EMC8: variants seen among roughly 807,000 people sequenced by gnomAD.
EMC8 encodes ER membrane protein complex subunit 8, also known as COX4 neighbor.
Under a neutral mutation model 24.3 loss-of-function variants are expected in EMC8, and 11 were observed. The ratio of observed to expected loss-of-function variants is 0.45; its 90% CI spans 0.28 to 0.75. The LOEUF (loss-of-function observed/expected upper bound fraction) is 0.75, where lower values mean the gene tolerates loss of function less well. EMC8 is among the 30% of genes least tolerant of loss of function. EMC8 has a pLI of 0.12. For synonymous variants in EMC8, 145 were observed against 117.7 expected, an observed-to-expected ratio of 1.23 and a Z score of -1.50; for missense variants, 277 against 282.7, an observed-to-expected ratio of 0.98 and a Z score of 0.14.
At chr16:85,797,877 C>T (rs1905309521) in intron 1 of EMC8, among the ~76,000 whole-genome samples, 1 of 152,154 alleles carries the variant, frequency 6.6e-6, no homozygotes, top group South Asian at 2.1e-4. Context: ...AGGTCTGAAG[C>T]TACAGTTTAC....
intron 1 of EMC8, among the ~76,000 whole-genome samples, chr16:85,791,193 ATGAT>A (rs1243892361): frequency 2.0e-5 from 3 of 152,092 alleles, no homozygotes; most frequent in African/African-American, 7.2e-5. Context: ...AGATTATCAT[ATGAT>A]TGTTTTTCTT....
At chr16:85,780,001 T>C (rs1904412592) in intron 4 of EMC8, 134 bp from the exon 5 acceptor site, 6 of 712,060 alleles carry the variant, frequency 8.4e-6, no homozygotes, top group African/African-American at 5.3e-5. Context: ...AACATGTGCA[T>C]TTCAAACGCA....
chr16:85,782,103 C>T lies in EMC8; in HGVS notation c.309-823G>A, dbSNP rs541021819. ...GAAGCCAGTGGAGAGTCGCCTGAAG[C>T]GGGCAGTGAAACTGCTGCTGGGCAC... On this transcript the variant is annotated intron_variant, in intron 2 of 4. Coordinates refer to ENST00000253457, the MANE Select transcript of EMC8 (RefSeq NM_006067.5). 6.0e-4 allele frequency among the ~76,000 whole-genome samples: 92 copies of T among 152,328 alleles called. 1 individual carries two copies. The highest frequency in any genetic ancestry group is 2.0e-3 in the African/African-American group (85 of 41,576).
At chr16:85,781,664 C>T (rs1350695686) in intron 2 of EMC8, 3 of 188,892 alleles carry the variant, frequency 1.6e-5, no homozygotes, top group Non-Finnish European at 3.2e-5. Context: ...GTTGCCCACA[C>T]TGGTCTTCAA....
chr16:85,797,104 G>C (rs188651947), intron 1 of EMC8, among the ~76,000 whole-genome samples: 1 of 152,186 alleles, frequency 6.6e-6, no homozygotes, highest in Non-Finnish European at 1.5e-5. Flanking sequence ...CTTGACAACA[G>C]AACAATTAAG....
chr16:85,797,691 A>T (rs1007661946), intron 1 of EMC8, among the ~76,000 whole-genome samples: 2 of 152,366 alleles, frequency 1.3e-5, no homozygotes, highest in African/African-American at 4.8e-5. Flanking sequence ...TAGTTAAGTT[A>T]TAAATGGTAG....
chr16:85,794,165 A>G (rs1029190786), intron 1 of EMC8, among the ~76,000 whole-genome samples: 3 of 152,218 alleles, frequency 2.0e-5, no homozygotes, highest in African/African-American at 4.8e-5. Flanking sequence ...ATAACCTCAT[A>G]AACTATGGCT....
Position 85,783,791 on chromosome 16 carries a change from C to A in EMC8, c.309-2511G>T, listed in dbSNP as rs1904623210. Among the ~76,000 whole-genome samples, 2 of 152,178 alleles carry A rather than the reference C, an allele frequency of 1.3e-5. 1 individual carries two copies. Among genetic ancestry groups the A allele is most frequent in the South Asian group, 4.1e-4 (2 of 4,834 alleles). ...CCTTACTGAATTGCTTCCCCTCTTT[C>A]AGTGCCCAGAAGACATGCCACCCTC... On this transcript the variant is annotated intron_variant, in intron 2 of 4. Transcript: ENST00000253457.
chr16:85,795,420 T>A lies in EMC8; in HGVS notation c.231+3645A>T, dbSNP rs2152076990. On this transcript the variant is annotated intron_variant, in intron 1 of 4. Transcript: ENST00000253457. ...GGTTTTCCTCCCCGTTCCTGGCTCC[T>A]CACGGCCCTGGTTAGTCTTTTGATA... 1.3e-5 allele frequency among the ~76,000 whole-genome samples: 2 copies of A among 152,344 alleles called. 1 individual carries two copies.
chr16:85,799,162 C>G lies in EMC8; in HGVS notation c.134G>C (p.Gly45Ala), dbSNP rs777977232. ...GAGGGTGTGGTGGGCGCCGGGGCCG[C>G]CCAGGGGGAGGTGCTCCTTACGCGG... ...QKPRKEHLPLGGPGAHHTLFV... is the reference protein window; with the variant it reads ...QKPRKEHLPLAGPGAHHTLFV... Residue 45 changes from glycine to alanine, a missense_variant, in exon 1 of 5, where the codon GGC (glycine) becomes GCC (alanine). Gly to Ala is a moderately conservative substitution (Grantham distance 60, BLOSUM62 0). Coordinates refer to ENST00000253457, the MANE Select transcript of EMC8 (RefSeq NM_006067.5). The surrounding 1 kb of genome is among the most constrained non-coding windows in gnomAD (Gnocchi z 4.2). 7 of 1,609,434 alleles carry G rather than the reference C, an allele frequency of 4.3e-6. No individual in the cohort carries two copies. The highest frequency in any genetic ancestry group is 1.7e-5 in the Admixed American group (1 of 59,542).
Position 85,780,378 on chromosome 16 carries a change from C to T in EMC8, c.473+1G>A. On this transcript the variant is annotated splice_donor_variant, in intron 4 of 4. Coordinates refer to ENST00000253457, the MANE Select transcript of EMC8 (RefSeq NM_006067.5). LOFTEE classifies it high-confidence loss of function. The stretch of plus-strand genomic sequence containing the variant: ...CGCGCGGCAGCATGGGGCGCACTCA[C>T]TGGTGTGGGTCTCTGCACCGCCATC... 1 of 1,613,208 alleles carries T rather than the reference C, an allele frequency of 6.2e-7. No individual in the cohort carries two copies. The highest frequency in any genetic ancestry group is 8.5e-7 in the Non-Finnish European group (1 of 1,179,158).
At chr16:85,779,998 GC>G in intron 4 of EMC8, 131 bp from the exon 5 acceptor site, 1 of 732,162 alleles carries the variant, frequency 1.4e-6, no homozygotes, top group Non-Finnish European at 2.3e-6. Context: ...AGAAACATGT[GC>G]ATTTCAAACG....
intron 1 of EMC8, among the ~76,000 whole-genome samples, chr16:85,790,199 T>C (rs1904940554): frequency 6.6e-6 from 1 of 152,116 alleles, no homozygotes; most frequent in African/African-American, 2.4e-5. Context: ...GATGTGTGTG[T>C]TTTTTAAACA....
chr16:85,796,882 T>G (rs1905260323), intron 1 of EMC8, among the ~76,000 whole-genome samples: 1 of 152,228 alleles, frequency 6.6e-6, no homozygotes, highest in South Asian at 2.1e-4. Context: ...GCTCCGCCTG[T>G]GAGGTTTAGG....
At chr16:85,795,900 G>A (rs970935303) in intron 1 of EMC8, among the ~76,000 whole-genome samples, 2 of 152,128 alleles carry the variant, frequency 1.3e-5, no homozygotes, top group African/African-American at 4.8e-5. Context: ...AACAGAATGC[G>A]GAGACACCTA....
chr16:85,797,336 A>G (rs2152077720), intron 1 of EMC8, among the ~76,000 whole-genome samples: 1 of 152,298 alleles, frequency 6.6e-6, no homozygotes, highest in East Asian at 1.9e-4. Flanking sequence ...TGAATCTGGG[A>G]GGTGGAAGTT....
At chr16:85,785,816 G>T (rs946546079) in intron 2 of EMC8, among the ~76,000 whole-genome samples, 14 of 152,094 alleles carry the variant, frequency 9.2e-5, no homozygotes, top group African/African-American at 3.4e-4. Flanking sequence ...ACCCTCAACA[G>T]CACCATGTCG....
Position 85,799,363 on chromosome 16 carries a change from G to A in EMC8, c.-68C>T. The A allele has an allele frequency of 9.8e-7, 1 of 1,024,540 alleles. No individual in the cohort carries two copies. Among genetic ancestry groups the A allele is most frequent in the Non-Finnish European group, 1.3e-6 (1 of 748,502 alleles). The allele number at this position is 1,024,540 out of a possible 1,614,324, so 63.5% of individuals were successfully genotyped here. ...AGGCCTGGACCCGCTGCCTGGCCGC[G>A]CGGCGCCTCAGCCGAGAAGCGGGAC... On this transcript the variant is annotated 5_prime_UTR_variant, in exon 1 of 5. Transcript: ENST00000253457. This position sits in a 1 kb window ranked among gnomAD's most constrained non-coding sequence, Gnocchi z 4.2.
At position 85,779,545 on chromosome 16, in the gene EMC8, A is replaced by C. The variant is rs1904389950; in HGVS notation, c.*163T>G. ...ACCTCTTCTAGAGACTCTGTGTTAAAAACACGACCGACTGAACATTCTGCC... is the reference window on the plus strand; with the variant it reads ...ACCTCTTCTAGAGACTCTGTGTTAACAACACGACCGACTGAACATTCTGCC... On this transcript the variant is annotated 3_prime_UTR_variant, in exon 5 of 5. Transcript: ENST00000253457. The C allele has an allele frequency of 6.0e-6, 4 of 666,904 alleles. No individual in the cohort carries two copies. The highest frequency in any genetic ancestry group is 1.0e-5 in the Non-Finnish European group (4 of 393,252). 41.3% of individuals were successfully genotyped at this position (666,904 alleles called of 1,614,324 possible). A position where few individuals can be genotyped will look rare whatever the true frequency, so the allele number is the denominator to read the frequency against.
Sources: gnomAD v4.1 joint callset for allele counts (sites outside exome capture counted in the v4.1 genomes callset) on GRCh38, gnomAD v4.1.1 for gene constraint, Gnocchi (gnomAD v3.1) non-coding constraint, MANE v1.5 for transcripts, NCBI Gene and HGNC (gene_info 2026-07-23, HGNC 2026-07-21) for gene names.